The following KRT84 variants were observed in gnomAD, a reference collection of about 807,000 sequenced individuals.
The protein encoded by KRT84 is keratin, type II cuticular Hb4.
Under a neutral mutation model 49.0 loss-of-function variants are expected in KRT84, and 38 were observed. The observed-to-expected ratio is 0.78, with a 90% CI of 0.60 to 1.02. The LOEUF (loss-of-function observed/expected upper bound fraction) is 1.02, where lower values mean the gene tolerates loss of function less well. KRT84 is among the 50% of genes least tolerant of loss of function. The pLI is 0.00. For missense variants in KRT84, 860 were observed against 788.6 expected (o/e 1.09, Z -1.08); for synonymous variants, 334 against 312.8 (o/e 1.07, Z -0.72).
Position 52,385,112 on chromosome 12 carries a change from G to A in KRT84, c.474C>T (p.Ala158=). ...TPLNLEIDPN[A]QRVKKDEKEQ... ...CCTTCTCATCCTTCTTCACCCTCTG[G>A]GCATTGGGGTCAATCTCCAGGTTGA... The change falls in exon 1 of 9, where the codon GCC becomes GCT. Residue 158 remains alanine (A), a synonymous_variant. Transcript: ENST00000257951. 1 of 1,600,836 alleles carries A rather than the reference G, an allele frequency of 6.2e-7. No individual in the cohort carries two copies. Among genetic ancestry groups the A allele is most frequent in the Non-Finnish European group, 8.5e-7 (1 of 1,173,722 alleles).
At chr12:52,380,338 C>T (rs368296192) in intron 7 of KRT84, 25 bp downstream of exon 7, 1 of 1,612,624 alleles carries the variant, frequency 6.2e-7, no homozygotes, top group Non-Finnish European at 8.5e-7. Context: ...TGACTTCACT[C>T]TCCTGCTGGA....
At chr12:52,385,795 T>C, upstream of KRT84, 1 of 591,238 alleles carries the variant, frequency 1.7e-6, no homozygotes, top group Non-Finnish European at 3.0e-6. Flanking sequence ...TCCTTGACAA[T>C]GAGTTAACTC....
chr12:52,385,013 AC>A, intron 1 of KRT84, 26 bp downstream of exon 1: 1 of 1,587,042 alleles, frequency 6.3e-7, no homozygotes, highest in Admixed American at 1.8e-5. Flanking sequence ...ATATTCCTAG[AC>A]CCAGAGATTC....
At chr12:52,379,968 C>A in intron 7 of KRT84, 61 bp from the exon 8 acceptor site, 1 of 1,464,322 alleles carries the variant, frequency 6.8e-7, no homozygotes, top group Non-Finnish European at 9.5e-7. Flanking sequence ...AACCTATTTG[C>A]CATAAAAAGG....
intron 1 of KRT84, among the ~76,000 whole-genome samples, chr12:52,384,375 C>T (rs2121444118): frequency 6.6e-6 from 1 of 152,328 alleles, no homozygotes; most frequent in South Asian, 2.1e-4. Flanking sequence ...ACCATTCCAT[C>T]TCCACATAGA....
At position 52,378,249 on chromosome 12, in the gene KRT84, A is replaced by G. The variant is rs1174144019; in HGVS notation, c.1588T>C (p.Cys530Arg). 1.3e-6 allele frequency: 2 copies of G among 1,559,810 alleles called. No homozygotes were observed. Among genetic ancestry groups the G allele is most frequent in the Non-Finnish European group, 1.7e-6 (2 of 1,153,556 alleles). The change falls in exon 9 of 9, where the codon TGT becomes CGT. Residue 530 changes from cysteine (C) to arginine (R), a missense_variant. By Grantham distance (180) the Cys-to-Arg change is radical. Coordinates refer to ENST00000257951, the MANE Select transcript of KRT84 (RefSeq NM_033045.4). ...VCATSGVLAS[C>R]GPSLGGARVA... is the part of the protein sequence containing the mutation. Reference sequence around the variant, plus strand: ...CGGGCTCCACCCAGGCTGGGGCCACAGGAAGCCAGGACCCCACTGGTGGCA... The same window carrying G: ...CGGGCTCCACCCAGGCTGGGGCCACGGGAAGCCAGGACCCCACTGGTGGCA...
intron 8 of KRT84, 105 bp from the exon 9 acceptor site, chr12:52,378,485 A>T: frequency 1.2e-6 from 1 of 860,182 alleles, no homozygotes; most frequent in Middle Eastern, 3.6e-4. Context: ...GAGTGGGGTC[A>T]GGGTTGTGGC....
chr12:52,382,951 A>G (rs2121440003), intron 3 of KRT84, 54 bp downstream of exon 3: 2 of 1,510,156 alleles, frequency 1.3e-6, no homozygotes, highest in East Asian at 2.3e-5. Context: ...GGGAGTCTTG[A>G]GAACATTTGC....
chr12:52,378,243 G>A lies in KRT84; in HGVS notation c.1594C>T (p.Pro532Ser). 6.4e-7 allele frequency: 1 copy of A among 1,563,522 alleles called. No homozygotes were observed. Among genetic ancestry groups the A allele is most frequent in the Non-Finnish European group, 8.7e-7 (1 of 1,155,380 alleles). ...GCGACCCGGGCTCCACCCAGGCTGG[G>A]GCCACAGGAAGCCAGGACCCCACTG... ...ATSGVLASCG[P>S]SLGGARVAPA... The change falls in exon 9 of 9, where the codon CCC becomes TCC. Residue 532 changes from proline (P) to serine (S), a missense_variant. Coordinates refer to ENST00000257951, the MANE Select transcript of KRT84 (RefSeq NM_033045.4).
intron 2 of KRT84, 118 bp from the exon 3 acceptor site, chr12:52,383,183 C>T: frequency 1.2e-6 from 1 of 803,080 alleles, no homozygotes; most frequent in African/African-American, 1.7e-5. Flanking sequence ...TTCCCTATTG[C>T]TATCTGAATG....
In KRT84 at chr12:52,379,092, A is replaced by T. The variant is rs551289243; in HGVS notation, c.1457-712T>A. 7.9e-5 allele frequency among the ~76,000 whole-genome samples: 12 copies of T among 152,280 alleles called. No individual in the cohort carries two copies. The South Asian group carries it at 2.5e-3, about 32-fold the overall frequency. ...CTTCCCCTGACCACTCACCGCCTCCATGGGAGTGGGAAGGGACACTGTCTT... is the reference window on the plus strand; with the variant it reads ...CTTCCCCTGACCACTCACCGCCTCCTTGGGAGTGGGAAGGGACACTGTCTT... On this transcript the variant is annotated intron_variant, in intron 8 of 8. Coordinates refer to ENST00000257951, the MANE Select transcript of KRT84 (RefSeq NM_033045.4).
upstream of KRT84, among the ~76,000 whole-genome samples, chr12:52,386,345 A>T (rs1349304509): frequency 6.6e-6 from 1 of 151,748 alleles, no homozygotes; most frequent in Non-Finnish European, 1.5e-5. Flanking sequence ...TACAGAGATT[A>T]CAAAGACAGT....
rs756986160 is a variant in KRT84, at chr12:52,385,563, A to T, written c.23T>A (p.Val8Asp). Residue 8 changes from valine to aspartate, a missense_variant, in exon 1 of 9, where the codon GTC (valine) becomes GAC (aspartate). By Grantham distance (152) the Val-to-Asp change is radical. Coordinates refer to ENST00000257951, the MANE Select transcript of KRT84 (RefSeq NM_033045.4). ...GTTGCCCACCCGGTGACCAGAGCTG[A>T]CTCGGTAGGAGCGGCAAGACATGAT... Reference protein sequence around the residue: MSCRSYRVSSGHRVGNFS... With the variant: MSCRSYRDSSGHRVGNFS... The T allele has an allele frequency of 6.2e-7, 1 of 1,613,696 alleles. No homozygotes were observed. Among genetic ancestry groups the T allele is most frequent in the East Asian group, 2.2e-5 (1 of 44,878 alleles).
At position 52,385,642 on chromosome 12, in the gene KRT84, G is replaced by C; in HGVS notation, c.-57C>G. On this transcript the variant is annotated 5_prime_UTR_variant, in exon 1 of 9. Coordinates refer to ENST00000257951, the MANE Select transcript of KRT84 (RefSeq NM_033045.4). ...GTGTAGAATGGGTGAGCTGGAGCTG[G>C]GAGTCCCTCTGAGGCCAGTGGAACC... 1 of 1,543,738 alleles carries C rather than the reference G, an allele frequency of 6.5e-7. No individual in the cohort carries two copies. Among genetic ancestry groups the C allele is most frequent in the African/African-American group, 1.4e-5 (1 of 73,418 alleles).
intron 2 of KRT84, among the ~76,000 whole-genome samples, chr12:52,383,305 G>C (rs928714574): frequency 2.0e-5 from 3 of 152,060 alleles, no homozygotes; most frequent in Non-Finnish European, 4.4e-5. Flanking sequence ...CTGAAAACCT[G>C]GTCTATTGCT....
chr12:52,385,674 C>T (rs1939564099), upstream of KRT84: 1 of 1,266,628 alleles, frequency 7.9e-7, no homozygotes, highest in African/African-American at 1.5e-5. Context: ...AACCCTTGCA[C>T]CCCTTTTATG....
rs146019454 is a variant in KRT84 at position 52,383,586 on chromosome 12, T to A, written c.755+4A>T. ...CTGGTCTGTGCAGCTCAGATGTCAC[T>A]CACTTCTTCTTGAAGCCCTCTAGGA... On this transcript the variant is annotated splice_donor_region_variant and intron_variant, in intron 2 of 8. Coordinates refer to ENST00000257951, the MANE Select transcript of KRT84 (RefSeq NM_033045.4). 5,650 of 1,610,666 alleles carry A rather than the reference T, an allele frequency of 3.5e-3. 34 individuals carry two copies. Among genetic ancestry groups the A allele is most frequent in the Non-Finnish European group, 3.1e-3 (3,669 of 1,178,692 alleles).
At chr12:52,379,517 A>C (rs921446489) in intron 8 of KRT84, among the ~76,000 whole-genome samples, 1 of 152,206 alleles carries the variant, frequency 6.6e-6, no homozygotes, top group African/African-American at 2.4e-5. Flanking sequence ...CCCTGCCATC[A>C]GGGGATGAGA....
rs1253409893 is a variant in KRT84, at chr12:52,378,171, T to G, written c.1666A>C (p.Met556Leu). The change falls in exon 9 of 9, where the codon ATG becomes CTG. Residue 556 changes from methionine to leucine, a missense_variant. Coordinates refer to ENST00000257951, the MANE Select transcript of KRT84 (RefSeq NM_033045.4). Reference protein sequence around the residue: ...LLSTGTRSGSMLISEACVPSV... With the variant: ...LLSTGTRSGSLLISEACVPSV... ...GGGACACAGGCCTCGCTGATGAGCATGGAGCCACTCCTTGTGCCAGTGCTC... is the reference window on the plus strand; with the variant it reads ...GGGACACAGGCCTCGCTGATGAGCAGGGAGCCACTCCTTGTGCCAGTGCTC... 1 of 1,578,626 alleles carries G rather than the reference T, an allele frequency of 6.3e-7. No individual in the cohort carries two copies. Among genetic ancestry groups the G allele is most frequent in the Non-Finnish European group, 8.6e-7 (1 of 1,163,604 alleles).
Sources: gnomAD v4.1 joint callset for allele counts (sites outside exome capture counted in the v4.1 genomes callset) on GRCh38, gnomAD v4.1.1 for gene constraint, MANE v1.5 for transcripts, NCBI Gene and HGNC (gene_info 2026-07-23, HGNC 2026-07-21) for gene names.